The following DENND1A variants were observed in gnomAD, a reference collection of about 807,000 sequenced individuals.
The protein encoded by DENND1A is DENN domain containing 1A.
Under a neutral mutation model 113.7 loss-of-function variants are expected in DENND1A, and 51 were observed. The ratio of observed to expected loss-of-function variants is 0.45; its 90% confidence interval spans 0.36 to 0.57. The LOEUF is 0.57. DENND1A is among the 20% of genes least tolerant of loss of function. The pLI, the probability that DENND1A is intolerant of heterozygous loss-of-function variation, is 0.00. For synonymous variants in DENND1A, 565 were observed against 570.8 expected, an observed-to-expected ratio of 0.99 and a Z score of 0.14; for missense variants, 1,258 against 1,395.9, an observed-to-expected ratio of 0.90 and a Z score of 1.57.
chr9:123,579,121 C>T (rs534800485), intron 12 of DENND1A, among the ~76,000 whole-genome samples: 9 of 152,102 alleles, frequency 5.9e-5, no homozygotes, highest in Non-Finnish European at 1.2e-4. Flanking sequence ...GAATGCCCTG[C>T]GGATCATAAT....
At chr9:123,622,263 A>T (rs960548341) in intron 10 of DENND1A, among the ~76,000 whole-genome samples, 1 of 152,120 alleles carries the variant, frequency 6.6e-6, no homozygotes, top group Non-Finnish European at 1.5e-5. Context: ...TTTTATCACA[A>T]ATGTGTGTTA....
chr9:123,733,163 T>C (rs2068302950), intron 5 of DENND1A, among the ~76,000 whole-genome samples: 1 of 152,102 alleles, frequency 6.6e-6, no homozygotes, highest in Non-Finnish European at 1.5e-5. Context: ...GTATTTTTAG[T>C]AGAGACGGGG....
At chr9:123,443,879 T>C (rs1352316798) in intron 18 of DENND1A, among the ~76,000 whole-genome samples, 1 of 151,998 alleles carries the variant, frequency 6.6e-6, no homozygotes, top group East Asian at 1.9e-4. Context: ...TCACCAGAGC[T>C]TGGGGAGGTT....
At chr9:123,653,652 G>A (rs1297112840) in intron 8 of DENND1A, among the ~76,000 whole-genome samples, 1 of 152,082 alleles carries the variant, frequency 6.6e-6, no homozygotes, top group Non-Finnish European at 1.5e-5. Flanking sequence ...TCCTGAGTGG[G>A]TCTGTCTCTA....
intron 5 of DENND1A, among the ~76,000 whole-genome samples, chr9:123,719,088 A>C (rs1482718205): frequency 6.6e-6 from 1 of 152,176 alleles, no homozygotes; most frequent in Non-Finnish European, 1.5e-5. Flanking sequence ...ACCTTCCACC[A>C]TGATTGTGAG....
intron 11 of DENND1A, among the ~76,000 whole-genome samples, chr9:123,587,460 G>T (rs1167469868): frequency 6.6e-6 from 1 of 152,216 alleles, no homozygotes; most frequent in Non-Finnish European, 1.5e-5. Context: ...CAACCAGTTA[G>T]ACCAGAAATT....
At chr9:123,421,622 C>A (rs1163483257) in intron 19 of DENND1A, among the ~76,000 whole-genome samples, 1 of 152,150 alleles carries the variant, frequency 6.6e-6, no homozygotes. Context: ...ATTTAAGGAC[C>A]AGGGCCAGCT....
intron 13 of DENND1A, among the ~76,000 whole-genome samples, chr9:123,475,729 G>A (rs1250945973): frequency 1.3e-5 from 2 of 152,242 alleles, no homozygotes; most frequent in African/African-American, 4.8e-5. Context: ...CGTGGGCTTC[G>A]TGTCGCCCAA....
intron 3 of DENND1A, among the ~76,000 whole-genome samples, chr9:123,775,887 G>T (rs534172442): frequency 6.6e-6 from 1 of 152,086 alleles, no homozygotes; most frequent in Admixed American, 6.6e-5. Context: ...TGCTCTCCAC[G>T]TCTCCTCTTG....
chr9:123,591,439 TGGGGCTGGACATTGAGGAGCA>T (rs2059451326), intron 11 of DENND1A, among the ~76,000 whole-genome samples: 1 of 152,304 alleles, frequency 6.6e-6, no homozygotes, highest in African/African-American at 2.4e-5. Flanking sequence ...GTTGGGAGCG[TGGGGCTGGACATTGAGGAGCA>T]GGGGCTCAGT....
chr9:123,423,091 C>T (rs747325147), intron 19 of DENND1A, among the ~76,000 whole-genome samples: 7 of 152,216 alleles, frequency 4.6e-5, no homozygotes, highest in African/African-American at 9.6e-5. Context: ...CCCACTCCAG[C>T]GGCCATTCTG....
At chr9:123,525,669 TCC>T (rs2054772521) in intron 13 of DENND1A, among the ~76,000 whole-genome samples, 1 of 151,358 alleles carries the variant, frequency 6.6e-6, no homozygotes, top group African/African-American at 2.4e-5. Context: ...TGGTGGAAAG[TCC>T]ACTTTCTCCT....
chr9:123,648,046 C>T (rs188691927), intron 9 of DENND1A, among the ~76,000 whole-genome samples: 24 of 152,184 alleles, frequency 1.6e-4, no homozygotes, highest in Admixed American at 3.9e-4. Context: ...TTGTCAGCCA[C>T]GAAATTTTTT....
chr9:123,716,282 C>T (rs1163465492), intron 5 of DENND1A, among the ~76,000 whole-genome samples: 1 of 152,120 alleles, frequency 6.6e-6, no homozygotes, highest in Non-Finnish European at 1.5e-5. Flanking sequence ...GAGAGTAGAC[C>T]CATGCATAAC....
chr9:123,458,753 G>A (rs2048325808), intron 13 of DENND1A, among the ~76,000 whole-genome samples: 1 of 152,134 alleles, frequency 6.6e-6, no homozygotes, highest in African/African-American at 2.4e-5. Context: ...CCTGAGGTTG[G>A]GAGTATAAGA....
At position 123,667,968 on chromosome 9, in the gene DENND1A, T is replaced by C. The variant is rs996146164; in HGVS notation, c.454-889A>G. On this transcript the variant is annotated intron_variant, in intron 7 of 23. Transcript: ENST00000394215. ...CCTCCTGACTGGAGACTCAGCGGAG[T>C]TGAAAAATTGACCTCTTCAAAGAAC... 4.0e-5 allele frequency among the ~76,000 whole-genome samples: 6 copies of C among 151,692 alleles called. 1 individual carries two copies. In the South Asian group the frequency reaches 8.4e-4, roughly 21 times the overall value.
intron 13 of DENND1A, among the ~76,000 whole-genome samples, chr9:123,482,703 T>C (rs1287147660): frequency 6.6e-6 from 1 of 150,502 alleles, no homozygotes; most frequent in Non-Finnish European, 1.5e-5. Flanking sequence ...GAAGCAGAGG[T>C]TCCTGCTGTG....
intron 2 of DENND1A, among the ~76,000 whole-genome samples, chr9:123,838,331 T>C (rs1841337206): frequency 6.6e-6 from 1 of 152,216 alleles, no homozygotes; most frequent in African/African-American, 2.4e-5. Flanking sequence ...CATCTGTGTA[T>C]ATATGTATAT....
chr9:123,701,332 A>G (rs1323259478), intron 5 of DENND1A, among the ~76,000 whole-genome samples: 1 of 152,208 alleles, frequency 6.6e-6, no homozygotes, highest in Non-Finnish European at 1.5e-5. Flanking sequence ...AATAATAAGA[A>G]AGACACATCA....
Sources: allele counts gnomAD v4.1 joint callset (sites outside exome capture counted in the v4.1 genomes callset), GRCh38; gene constraint gnomAD v4.1.1; transcripts MANE v1.5; gene names NCBI Gene and HGNC (gene_info 2026-07-23, HGNC 2026-07-21).